Variants in TRMT44 observed in about 807,000 individuals in gnomAD.
TRMT44 encodes probable tRNA (uracil-O(2)-)-methyltransferase.
In TRMT44, 78 loss-of-function variants were observed where a neutral mutation model predicts 77.3. The observed-to-expected ratio is 1.01, with a 90% confidence interval of 0.84 to 1.22. TRMT44 has a LOEUF of 1.22. TRMT44 is among the 50% of genes most tolerant of loss of function. The pLI is 0.00. For missense variants in TRMT44, 1,090 were observed against 964.4 expected (o/e 1.13, Z -1.73); for synonymous variants, 391 against 383.3 (o/e 1.02, Z -0.23).
chr4:8,500,759 G>A, the TRMT44 span, among the ~76,000 whole-genome samples: 130 of 151,854 alleles, frequency 8.6e-4, no homozygotes, highest in African/African-American at 3.0e-3. Flanking sequence ...CTGGGTTCAA[G>A]CAATCCTTGT....
At chr4:8,497,528 C>G (rs1728183151), downstream of TRMT44, among the ~76,000 whole-genome samples, 1 of 152,138 alleles carries the variant, frequency 6.6e-6, no homozygotes, top group Non-Finnish European at 1.5e-5. Context: ...GCCTGTAGTC[C>G]CAGCTACTCA....
At chr4:8,491,642 C>T (rs867495978) in intron 2 of TRMT44, among the ~76,000 whole-genome samples, 33 of 152,246 alleles carry the variant, frequency 2.2e-4, no homozygotes, top group African/African-American at 6.5e-4. Context: ...CCTCTGCAGC[C>T]GCTGGCCCGG....
chr4:8,499,288 C>T, the TRMT44 span, among the ~76,000 whole-genome samples: 2 of 152,116 alleles, frequency 1.3e-5, no homozygotes, highest in East Asian at 1.9e-4. Context: ...GCCTGGGCCC[C>T]CTGCCCTGGG....
chr4:8,458,441 T>C (rs1202602651), intron 6 of TRMT44, among the ~76,000 whole-genome samples: 1 of 151,600 alleles, frequency 6.6e-6, no homozygotes, highest in Non-Finnish European at 1.5e-5. Flanking sequence ...AATTTTCTCT[T>C]TCTTATGATT....
At chr4:8,509,417 G>A in the TRMT44 span, 1 of 152,752 alleles carries the variant, frequency 6.5e-6, no homozygotes, top group Non-Finnish European at 1.5e-5. Context: ...TAGAAGCAGA[G>A]CTGAGATGGG....
In TRMT44 at chr4:8,468,373, G is replaced by A. The variant is rs576194729; in HGVS notation, c.1927+27G>A. The A allele has an allele frequency of 5.6e-6, 9 of 1,609,194 alleles. No individual in the cohort carries two copies. The East Asian group carries it at 1.8e-4, about 32-fold the overall frequency. ...TAAGCTGTCCACCATCTTAGGGAGGGGCTAGCACGCTCCCAGGCTTGAGGG... is the reference window on the plus strand; with the variant it reads ...TAAGCTGTCCACCATCTTAGGGAGGAGCTAGCACGCTCCCAGGCTTGAGGG... On this transcript the variant is annotated intron_variant, in intron 9 of 10. Transcript: ENST00000389737.
chr4:8,463,731 G>A (rs1249445949), intron 6 of TRMT44, among the ~76,000 whole-genome samples: 2 of 152,140 alleles, frequency 1.3e-5, no homozygotes, highest in Non-Finnish European at 2.9e-5. Flanking sequence ...ATCCAAAGGC[G>A]ATTAGCACTC....
chr4:8,441,243 G>T lies in TRMT44; in HGVS notation c.421G>T (p.Asp141Tyr), dbSNP rs1447988053. 4 of 1,535,630 alleles carry T rather than the reference G, an allele frequency of 2.6e-6. No homozygotes were observed. In the East Asian group the frequency reaches 9.8e-5, roughly 38 times the overall value. The change falls in exon 1 of 11, where the codon GAT becomes TAT. Residue 141 changes from aspartate (D) to tyrosine (Y), a missense_variant. Physicochemically the swap from Asp to Tyr is radical, Grantham distance 160. Coordinates refer to ENST00000389737, the MANE Select transcript of TRMT44 (RefSeq NM_152544.3). ...EGREGDFPAA[D>Y]LDSLWEDFSQ... is the part of the protein sequence containing the mutation. ...AAGGGAGGGCGACTTCCCCGCCGCAGATCTGGATTCGCTTTGGGAGGATTT... is the reference window on the plus strand; with the variant it reads ...AAGGGAGGGCGACTTCCCCGCCGCATATCTGGATTCGCTTTGGGAGGATTT...
Position 8,468,115 on chromosome 4 carries a change from T to A in TRMT44, c.1696T>A (p.Cys566Ser). Residue 566 changes from cysteine (C) to serine (S), a missense_variant, in exon 9 of 11, where the codon TGT becomes AGT. Cys to Ser is a moderately radical substitution (Grantham distance 112). Coordinates refer to ENST00000389737, the MANE Select transcript of TRMT44 (RefSeq NM_152544.3). The stretch of plus-strand genomic sequence containing the variant: ...GCAAGCTCTGGACGCCAGGGTCGGG[T>A]GTGTAACCAGGGCCTGGGCCGCTGA... Reference protein sequence around the residue: ...GQQALDARVGCVTRAWAAEHG... With the variant: ...GQQALDARVGSVTRAWAAEHG... 1 of 1,613,882 alleles carries A rather than the reference T, an allele frequency of 6.2e-7. No individual in the cohort carries two copies. Among genetic ancestry groups the A allele is most frequent in the African/African-American group, 1.3e-5 (1 of 75,036 alleles).
At chr4:8,472,010 C>CTT (rs35572027) in intron 10 of TRMT44, among the ~76,000 whole-genome samples, 17 of 147,302 alleles carry the variant, frequency 1.2e-4, no homozygotes, top group African/African-American at 4.0e-4. Flanking sequence ...CTTTGTGGCG[C>CTT]TTTTTTTTTT....
chr4:8,510,357 CT>C, the TRMT44 span: 1 of 152,830 alleles, frequency 6.5e-6, no homozygotes, highest in Non-Finnish European at 1.5e-5. Context: ...CCATGTCCCC[CT>C]TCGATGGAGC....
chr4:8,459,653 A>G (rs988782994), intron 6 of TRMT44, among the ~76,000 whole-genome samples: 2 of 152,206 alleles, frequency 1.3e-5, no homozygotes, highest in African/African-American at 4.8e-5. Context: ...AAAAGGTCCT[A>G]CTTCAGATAT....
In TRMT44 at chr4:8,441,061, G is replaced by A. The variant is rs184964039; in HGVS notation, c.239G>A (p.Gly80Glu). Residue 80 changes from glycine to glutamate, a missense_variant, in exon 1 of 11, where the codon GGA (glycine) becomes GAA (glutamate). By Grantham distance (98) the Gly-to-Glu change is moderately conservative (BLOSUM62 -2). Transcript: ENST00000389737. ...RGPGPGQGSP[G>E]GGPGPRSLSG... Reference sequence around the variant, plus strand: ...CCGGGACCCGGCCAGGGTTCCCCCGGAGGGGGCCCGGGTCCCAGGTCGCTA... The same window carrying A: ...CCGGGACCCGGCCAGGGTTCCCCCGAAGGGGGCCCGGGTCCCAGGTCGCTA... The A allele has an allele frequency of 7.9e-4, 1,175 of 1,486,478 alleles. 8 individuals carry two copies. Among genetic ancestry groups the A allele is most frequent in the East Asian group, 5.0e-3 (203 of 40,268 alleles). 92.1% of individuals were successfully genotyped at this position (1,486,478 alleles called of 1,614,324 possible).
At chr4:8,449,172 A>G (rs73211365) in intron 2 of TRMT44, among the ~76,000 whole-genome samples, 2,416 of 152,318 alleles carry the variant, frequency 0.016, 18 homozygotes, top group Middle Eastern at 0.037. Flanking sequence ...GAAGCCCCCC[A>G]CTGTCATGAA....
intron 9 of TRMT44, among the ~76,000 whole-genome samples, chr4:8,469,021 C>T (rs529965426): frequency 8.5e-5 from 13 of 152,362 alleles, no homozygotes; most frequent in South Asian, 6.2e-4. Context: ...CATCCCCTCC[C>T]GGCCCCTCCG....
rs1275199005 is a variant in TRMT44 at position 8,444,485 on chromosome 4, C to T, written c.620-1991C>T. Among the ~76,000 whole-genome samples, 1 of 151,814 alleles carries T rather than the reference C, an allele frequency of 6.6e-6. No individual in the cohort carries two copies. Among genetic ancestry groups the T allele is most frequent in the East Asian group, 1.9e-4 (1 of 5,184 alleles). ...TGATTTCAGCTCACTGCAACCTCCG[C>T]CTCCTGGGTTCGAGCGATTCTCCTA... is the stretch of plus-strand genomic sequence containing the variant. On this transcript the variant is annotated intron_variant, in intron 1 of 10. Transcript: ENST00000389737. This position sits in a 1 kb window ranked among gnomAD's most constrained non-coding sequence, Gnocchi z 4.0.
At position 8,464,645 on chromosome 4, in the gene TRMT44, T is replaced by A. The variant is rs143742889; in HGVS notation, c.1310+554T>A. On this transcript the variant is annotated intron_variant, in intron 7 of 10. Coordinates refer to ENST00000389737, the MANE Select transcript of TRMT44 (RefSeq NM_152544.3). ...TCTCAAGGAGTAACTAGGTGAAAGA[T>A]CAGGTCTTCGCTCAGGCTTCGTTGT... 1.1e-4 allele frequency among the ~76,000 whole-genome samples: 17 copies of A among 152,372 alleles called. No individual in the cohort carries two copies. The East Asian group carries it at 3.1e-3, about 28-fold the overall frequency.
Position 8,440,807 on chromosome 4 carries a change from A to G in TRMT44, c.-16A>G, listed in dbSNP as rs543494278. On this transcript the variant is annotated 5_prime_UTR_variant, in exon 1 of 11. Coordinates refer to ENST00000389737, the MANE Select transcript of TRMT44 (RefSeq NM_152544.3). ...CTCGGCGCGCCGCTGCCAGGGCTGT[A>G]CACCTGCTGGCTGCCATGGCTGAGG... is the stretch of plus-strand genomic sequence containing the variant. The G allele has an allele frequency of 4.2e-6, 6 of 1,437,944 alleles. No individual in the cohort carries two copies. The highest frequency in any genetic ancestry group is 2.5e-4 in the Middle Eastern group (1 of 4,006). 89.1% of individuals were successfully genotyped at this position (1,437,944 alleles called of 1,614,324 possible).
intron 5 of TRMT44, 31 bp from the exon 6 acceptor site, chr4:8,454,711 A>T: frequency 6.2e-7 from 1 of 1,606,450 alleles, no homozygotes; most frequent in Non-Finnish European, 8.5e-7. Flanking sequence ...TACTAAGGTT[A>T]ACCTTTGATT....
Sources: gnomAD v4.1 joint callset for allele counts (sites outside exome capture counted in the v4.1 genomes callset) on GRCh38, gnomAD v4.1.1 for gene constraint, Gnocchi (gnomAD v3.1) non-coding constraint, MANE v1.5 for transcripts, NCBI Gene and HGNC (gene_info 2026-07-23, HGNC 2026-07-21) for gene names.